The following PIWIL1 variants were observed in gnomAD, a reference collection of about 807,000 sequenced individuals.
The protein encoded by PIWIL1 is piwi-like protein 1.
A neutral mutation model predicts 114.4 loss-of-function variants in PIWIL1; 73 were observed. The ratio of observed to expected loss-of-function variants is 0.64; its 90% CI spans 0.53 to 0.78. The LOEUF (loss-of-function observed/expected upper bound fraction) is 0.78, where lower values mean the gene tolerates loss of function less well. PIWIL1 is among the 30% of genes least tolerant of loss of function. The pLI is 0.00. For missense variants in PIWIL1, 723 were observed against 1,063.1 expected, an observed-to-expected ratio of 0.68 and a Z score of 4.45; for synonymous variants, 375 against 369.0, an observed-to-expected ratio of 1.02 and a Z score of -0.19.
intron 3 of PIWIL1, among the ~76,000 whole-genome samples, chr12:130,343,611 T>A (rs1427226398): frequency 6.8e-6 from 1 of 147,360 alleles, no homozygotes; most frequent in African/African-American, 2.5e-5. Flanking sequence ...TGTGGATGCA[T>A]TGAAGGATTC....
the PIWIL1 span, among the ~76,000 whole-genome samples, chr12:130,411,033 T>C: frequency 2.0e-5 from 3 of 152,246 alleles, no homozygotes; most frequent in Admixed American, 6.5e-5. Context: ...CAGTGTTTTC[T>C]GATTTTCGGC....
At chr12:130,368,740 T>A (rs1268410160) in intron 19 of PIWIL1, among the ~76,000 whole-genome samples, 1 of 152,194 alleles carries the variant, frequency 6.6e-6, no homozygotes, top group Admixed American at 6.5e-5. Context: ...AGATGTGACA[T>A]TGGCCTGAAG....
At chr12:130,349,471 T>G (rs1234754934) in intron 8 of PIWIL1, 35 bp downstream of exon 8, 1 of 1,426,418 alleles carries the variant, frequency 7.0e-7, no homozygotes, top group Non-Finnish European at 9.8e-7. Context: ...AATAATTTTT[T>G]GTGAGTCAAA....
intron 18 of PIWIL1, among the ~76,000 whole-genome samples, chr12:130,365,803 A>G (rs2073639529): frequency 6.6e-6 from 1 of 152,216 alleles, no homozygotes; most frequent in Non-Finnish European, 1.5e-5. Flanking sequence ...CTTTCTAACA[A>G]GGCCCTATGC....
chr12:130,397,292 G>A, the PIWIL1 span: 2 of 397,994 alleles, frequency 5.0e-6, no homozygotes, highest in Non-Finnish European at 8.9e-6. Flanking sequence ...AAGTACTTGA[G>A]TCATGAAAGC....
At chr12:130,384,593 T>C in the PIWIL1 span, among the ~76,000 whole-genome samples, 1 of 152,240 alleles carries the variant, frequency 6.6e-6, no homozygotes, top group Non-Finnish European at 1.5e-5. Context: ...CTTTATTGAT[T>C]ACCATATGAA....
the PIWIL1 span, among the ~76,000 whole-genome samples, chr12:130,414,886 A>G: frequency 6.6e-6 from 1 of 152,234 alleles, no homozygotes; most frequent in Admixed American, 6.5e-5. Context: ...AGACACACAC[A>G]ACCTCCCAGG....
chr12:130,370,144 T>G (rs749973424), intron 19 of PIWIL1, among the ~76,000 whole-genome samples: 1 of 152,154 alleles, frequency 6.6e-6, no homozygotes, highest in African/African-American at 2.4e-5. Context: ...ATTTTACTAG[T>G]TTTGATGGGC....
At chr12:130,359,427 C>G (rs1171801096) in intron 14 of PIWIL1, among the ~76,000 whole-genome samples, 1 of 152,166 alleles carries the variant, frequency 6.6e-6, no homozygotes, top group Non-Finnish European at 1.5e-5. Flanking sequence ...TTTCTTTGCA[C>G]TCTACACCCC....
In PIWIL1 at chr12:130,342,617, C is replaced by T. The variant is rs1235874635; in HGVS notation, c.26C>T (p.Ala9Val). ...ATGACTGGGAGAGCCCGAGCCAGAGCCAGAGGAAGGGCCCGCGGTCAGGAG... is the reference window on the plus strand; with the variant it reads ...ATGACTGGGAGAGCCCGAGCCAGAGTCAGAGGAAGGGCCCGCGGTCAGGAG... The part of the protein sequence containing the change: MTGRARAR[A>V]RGRARGQETA... The change falls in exon 2 of 21, where the codon GCC (alanine) becomes GTC (valine). Residue 9 changes from alanine to valine, a missense_variant. Physicochemically the swap from Ala to Val is moderately conservative, Grantham distance 64. Transcript: ENST00000245255. 2.5e-6 allele frequency: 4 copies of T among 1,613,790 alleles called. No individual in the cohort carries two copies. Among genetic ancestry groups the T allele is most frequent in the African/African-American group, 2.7e-5 (2 of 74,936 alleles).
downstream of PIWIL1, among the ~76,000 whole-genome samples, chr12:130,377,455 C>T (rs555970064): frequency 2.4e-4 from 36 of 152,264 alleles, no homozygotes; most frequent in South Asian, 7.3e-3. Flanking sequence ...GAGACCTGGA[C>T]GTGGATATGT....
chr12:130,386,412 TTCCTGTCTCC>T, the PIWIL1 span, among the ~76,000 whole-genome samples: 2 of 60,236 alleles, frequency 3.3e-5, no homozygotes, highest in Non-Finnish European at 7.8e-5. Flanking sequence ...ACACCACCCC[TTCCTGTCTCC>T]ATTCACCCAT....
At chr12:130,394,430 C>T in the PIWIL1 span, among the ~76,000 whole-genome samples, 19 of 152,168 alleles carry the variant, frequency 1.2e-4, no homozygotes, top group African/African-American at 1.4e-4. Flanking sequence ...TCACATAAAA[C>T]GGTTTTCTTT....
At chr12:130,359,565 A>C (rs544525680) in intron 14 of PIWIL1, among the ~76,000 whole-genome samples, 1 of 152,272 alleles carries the variant, frequency 6.6e-6, no homozygotes, top group Non-Finnish European at 1.5e-5. Context: ...TGAATATTCC[A>C]TCTATTTTAT....
At chr12:130,374,513 G>C (rs1338320772), downstream of PIWIL1, among the ~76,000 whole-genome samples, 1 of 152,162 alleles carries the variant, frequency 6.6e-6, no homozygotes, top group Non-Finnish European at 1.5e-5. Context: ...CCTGCACTTG[G>C]AGTAAGATGA....
chr12:130,406,505 C>A, the PIWIL1 span, among the ~76,000 whole-genome samples: 2 of 152,176 alleles, frequency 1.3e-5, no homozygotes, highest in African/African-American at 4.8e-5. Context: ...TTACCATGTT[C>A]TACTGATAAT....
At chr12:130,422,467 G>A in the PIWIL1 span, 1 of 1,610,942 alleles carries the variant, frequency 6.2e-7, no homozygotes, top group Non-Finnish European at 8.5e-7. The surrounding 1 kb of genome is among the most constrained non-coding windows in gnomAD (Gnocchi z 5.2). Flanking sequence ...GGATGGGACT[G>A]TCACGGGCCG....
At chr12:130,342,332 A>C (rs191603291) in intron 1 of PIWIL1, 85 of 508,654 alleles carry the variant, frequency 1.7e-4, no homozygotes, top group African/African-American at 1.5e-3. Context: ...ATGAAAAACT[A>C]AGTCTTATAT....
chr12:130,361,549 G>A lies in PIWIL1; in HGVS notation c.1918G>A (p.Gly640Arg), dbSNP rs1158417355. Reference protein sequence around the residue: ...GIDCYHDMTAGRRSIAGFVAS... With the variant: ...GIDCYHDMTARRRSIAGFVAS... ...CGATTGTTACCATGACATGACAGCT[G>A]GGCGGAGGTCAATCGCAGGATTTGT... Residue 640 changes from glycine to arginine, a missense_variant, in exon 16 of 21, where the codon GGG (glycine) becomes AGG (arginine). Transcript: ENST00000245255. 1.2e-6 allele frequency: 2 copies of A among 1,614,224 alleles called. No individual in the cohort carries two copies. Among genetic ancestry groups the A allele is most frequent in the Non-Finnish European group, 1.7e-6 (2 of 1,180,044 alleles).
Sources: gnomAD v4.1 joint callset for allele counts (sites outside exome capture counted in the v4.1 genomes callset) on GRCh38, gnomAD v4.1.1 for gene constraint, Gnocchi (gnomAD v3.1) non-coding constraint, MANE v1.5 for transcripts, NCBI Gene and HGNC (gene_info 2026-07-23, HGNC 2026-07-21) for gene names.